Variants in DOK6 observed in about 807,000 individuals in gnomAD.
The protein encoded by DOK6 is downstream of tyrosine kinase 6.
A neutral mutation model predicts 44.0 loss-of-function variants in DOK6; 22 were observed. The ratio of observed to expected loss-of-function variants is 0.50; its 90% CI spans 0.36 to 0.71. The LOEUF (loss-of-function observed/expected upper bound fraction) is 0.71, where lower values mean the gene tolerates loss of function less well. Among genes scored for constraint, DOK6 ranks in the 30% least tolerant of loss-of-function variants. The pLI is 0.00. For missense variants in DOK6, 340 were observed against 416.4 expected (o/e 0.82, Z 1.60); for synonymous variants, 166 against 145.5 (o/e 1.14, Z -1.01).
chr18:69,470,588 G>A (rs1327307080), intron 1 of DOK6, among the ~76,000 whole-genome samples: 1 of 152,032 alleles, frequency 6.6e-6, no homozygotes, highest in Non-Finnish European at 1.5e-5. Context: ...CTCACTCATT[G>A]CGGATCCCAC....
chr18:69,736,203 A>G (rs1317530078), intron 5 of DOK6, among the ~76,000 whole-genome samples: 1 of 152,204 alleles, frequency 6.6e-6, no homozygotes, highest in African/African-American at 2.4e-5. Flanking sequence ...TATAGTAGCT[A>G]CTTGAAAATT....
chr18:69,683,001 C>T (rs1986076099), intron 4 of DOK6, among the ~76,000 whole-genome samples: 1 of 152,184 alleles, frequency 6.6e-6, no homozygotes, highest in African/African-American at 2.4e-5. Flanking sequence ...GCCACAGTAA[C>T]AATAGGCCTC....
intron 2 of DOK6, among the ~76,000 whole-genome samples, chr18:69,570,209 A>G (rs1427792074): frequency 1.3e-5 from 2 of 152,146 alleles, no homozygotes; most frequent in African/African-American, 4.8e-5. Flanking sequence ...TAAACAATAT[A>G]TTTTTTAAAA....
At chr18:69,473,069 A>G (rs73468803) in intron 1 of DOK6, among the ~76,000 whole-genome samples, 29,812 of 152,146 alleles carry the variant, frequency 0.2, 3,317 homozygotes, top group Non-Finnish European at 0.23. Context: ...TACAAATGTT[A>G]CAAGTATCAA....
At chr18:69,760,662 ATTGGGAAG>A (rs1979522918) in intron 7 of DOK6, among the ~76,000 whole-genome samples, 2 of 151,262 alleles carry the variant, frequency 1.3e-5, no homozygotes, top group South Asian at 2.1e-4. Flanking sequence ...CTGAAATCTT[ATTGGGAAG>A]CTGCTGATCA....
At chr18:69,606,780 A>G (rs1242715019) in intron 3 of DOK6, among the ~76,000 whole-genome samples, 2 of 62,390 alleles carry the variant, frequency 3.2e-5, no homozygotes, top group Non-Finnish European at 7.0e-5. Flanking sequence ...TTTTTTTTGG[A>G]GACAGAGTCT....
chr18:69,798,895 G>A (rs1980824209), intron 7 of DOK6, among the ~76,000 whole-genome samples: 1 of 151,948 alleles, frequency 6.6e-6, no homozygotes, highest in African/African-American at 2.4e-5. Flanking sequence ...GTTTTGAGAT[G>A]AGACCAACTT....
intron 7 of DOK6, among the ~76,000 whole-genome samples, chr18:69,838,210 G>T (rs1395174140): frequency 6.8e-6 from 1 of 147,270 alleles, no homozygotes; most frequent in Non-Finnish European, 1.5e-5. Context: ...CTCAGCATTT[G>T]TTCTCTTTCA....
At chr18:69,767,073 C>CA (rs1215689025) in intron 7 of DOK6, among the ~76,000 whole-genome samples, 4 of 150,266 alleles carry the variant, frequency 2.7e-5, no homozygotes, top group East Asian at 2.0e-4. Context: ...CTAAAAATAC[C>CA]AAAAAAAAAT....
intron 3 of DOK6, among the ~76,000 whole-genome samples, chr18:69,644,193 A>T (rs983462471): frequency 2.6e-5 from 4 of 152,084 alleles, no homozygotes; most frequent in African/African-American, 9.7e-5. Flanking sequence ...ATTTTCCCTT[A>T]GTCTATAGCC....
chr18:69,516,832 C>T (rs898657674), intron 1 of DOK6, among the ~76,000 whole-genome samples: 9 of 142,340 alleles, frequency 6.3e-5, no homozygotes, highest in African/African-American at 7.8e-5. Flanking sequence ...TGCACCACCA[C>T]GCACGGCTAA....
At chr18:69,793,656 G>C (rs148727179) in intron 7 of DOK6, among the ~76,000 whole-genome samples, 79 of 152,204 alleles carry the variant, frequency 5.2e-4, no homozygotes, top group African/African-American at 1.8e-3. Context: ...AGGAAACATT[G>C]AATTAAATCA....
At position 69,459,339 on chromosome 18, in the gene DOK6, T is replaced by A. The variant is rs138439738; in HGVS notation, c.66+58029T>A. ...TAGGGCTCATACATTTCTGTTAATA[T>A]TATGTGCTTGTTTCTTATTTAAAAT... On this transcript the variant is annotated intron_variant, in intron 1 of 7. Coordinates refer to ENST00000382713, the MANE Select transcript of DOK6 (RefSeq NM_152721.6). Among the ~76,000 whole-genome samples the A allele has an allele frequency of 3.6e-3, 549 of 152,156 alleles. 2 individuals carry two copies. Among genetic ancestry groups the A allele is most frequent in the African/African-American group, 0.013 (526 of 41,508 alleles).
intron 1 of DOK6, among the ~76,000 whole-genome samples, chr18:69,450,014 C>T (rs1979414913): frequency 8.1e-6 from 1 of 123,334 alleles, no homozygotes; most frequent in East Asian, 2.7e-4. Flanking sequence ...TCTCCTCCTC[C>T]AAAGGAACGC....
At chr18:69,430,268 C>G (rs912670316) in intron 1 of DOK6, among the ~76,000 whole-genome samples, 1 of 152,162 alleles carries the variant, frequency 6.6e-6, no homozygotes, top group African/African-American at 2.4e-5. Context: ...CCTGTATCTT[C>G]AGTCTAAGCA....
intron 1 of DOK6, among the ~76,000 whole-genome samples, chr18:69,481,954 T>G (rs1348464051): frequency 1.3e-5 from 2 of 152,232 alleles, no homozygotes; most frequent in African/African-American, 4.8e-5. Context: ...GGTTTTGATT[T>G]GCATTTCTCT....
In DOK6 at chr18:69,485,894, T is replaced by TGG. The variant is rs531263750; in HGVS notation, c.67-78592_67-78591insGG. Among the ~76,000 whole-genome samples the TGG allele has an allele frequency of 9.1e-3, 1,384 of 151,522 alleles. 22 individuals are homozygous for TGG. The highest frequency in any genetic ancestry group is 0.031 in the African/African-American group (1,263 of 41,302). ...GTATACGTATATATGTGTGTGTGTG[T>TGG]GTGTGTGTGTGTATATGTATATCTC... On this transcript the variant is annotated intron_variant, in intron 1 of 7. Coordinates refer to ENST00000382713, the MANE Select transcript of DOK6 (RefSeq NM_152721.6).
chr18:69,507,374 T>G (rs1981225447), intron 1 of DOK6, among the ~76,000 whole-genome samples: 1 of 152,144 alleles, frequency 6.6e-6, no homozygotes. Context: ...AGTCCAAGTT[T>G]CTCAATATTG....
intron 7 of DOK6, among the ~76,000 whole-genome samples, chr18:69,829,765 C>A (rs1981848087): frequency 6.7e-6 from 1 of 149,686 alleles, no homozygotes; most frequent in African/African-American, 2.5e-5. Context: ...GAAATACTTT[C>A]TATAGGAAAA....
Sources: gnomAD v4.1 joint callset for allele counts (sites outside exome capture counted in the v4.1 genomes callset) on GRCh38, gnomAD v4.1.1 for gene constraint, MANE v1.5 for transcripts, NCBI Gene and HGNC (gene_info 2026-07-23, HGNC 2026-07-21) for gene names.